The following ITGA6 variants were observed in gnomAD, a reference collection of about 807,000 sequenced individuals.
ITGA6 encodes integrin subunit alpha 6, also known as integrin alpha-6.
Under a neutral mutation model 133.6 loss-of-function variants are expected in ITGA6, and 63 were observed. The ratio of observed to expected loss-of-function variants is 0.47; its 90% confidence interval spans 0.38 to 0.58. The LOEUF (loss-of-function observed/expected upper bound fraction) is 0.58, where lower values mean the gene tolerates loss of function less well. Ranked by LOEUF, ITGA6 falls within the 20% of genes least tolerant of loss-of-function variation. The pLI is 0.00. For synonymous variants in ITGA6, 434 were observed against 482.0 expected, an observed-to-expected ratio of 0.90 and a Z score of 1.30; for missense variants, 1,068 against 1,309.4, an observed-to-expected ratio of 0.82 and a Z score of 2.85.
chr2:172,475,566 T>C (rs1253298079), intron 7 of ITGA6, 31 bp from the exon 8 acceptor site: 1 of 1,201,122 alleles, frequency 8.3e-7, no homozygotes, highest in African/African-American at 1.5e-5. Context: ...AAAGCGTTTG[T>C]TAAAATGTTA....
intron 13 of ITGA6, 98 bp from the exon 14 acceptor site, chr2:172,486,925 A>G: frequency 2.7e-6 from 2 of 735,418 alleles, no homozygotes; most frequent in Admixed American, 3.9e-5. Flanking sequence ...TAATTGTCAC[A>G]CAGGGAAATG....
At chr2:172,441,558 T>TAAAAAA (rs1559116474) in intron 1 of ITGA6, among the ~76,000 whole-genome samples, 1 of 64,854 alleles carries the variant, frequency 1.5e-5, no homozygotes, top group African/African-American at 6.2e-5. Flanking sequence ...CGCTGTCTCT[T>TAAAAAA]TAAAAAAAAA....
At chr2:172,461,445 A>G (rs1478363445) in intron 1 of ITGA6, among the ~76,000 whole-genome samples, 1 of 152,164 alleles carries the variant, frequency 6.6e-6, no homozygotes, top group Non-Finnish European at 1.5e-5. Flanking sequence ...CCTTGACCGC[A>G]TATGGGAATA....
chr2:172,487,265 CA>C lies in ITGA6; in HGVS notation c.1977del (p.Gly660ValfsTer5). The C allele has an allele frequency of 6.2e-7, 1 of 1,611,534 alleles. No homozygotes were observed. The highest frequency in any genetic ancestry group is 8.5e-7 in the Non-Finnish European group (1 of 1,177,842). On this transcript the variant is annotated frameshift_variant and splice_region_variant, in exon 15 of 26. Coordinates refer to ENST00000684293, the MANE Select transcript of ITGA6 (RefSeq NM_000210.4). LOFTEE classifies it high-confidence loss of function. ...TTCTTGTTTTCTTATTTTTAATAGT[CA>C]AAAAGGTGTACCAGAACTAGTTCTA... is the stretch of plus-strand genomic sequence containing the variant. ...NQDKFSYLPI[Q>X]KGVPELVLKD...
chr2:172,441,426 C>T (rs1217409498), intron 1 of ITGA6, among the ~76,000 whole-genome samples: 2 of 151,840 alleles, frequency 1.3e-5, no homozygotes, highest in Non-Finnish European at 2.9e-5. Context: ...CATGGTGGCT[C>T]ATGCCAGTGA....
chr2:172,458,311 G>A (rs1685297700), intron 1 of ITGA6, among the ~76,000 whole-genome samples: 1 of 151,248 alleles, frequency 6.6e-6, no homozygotes, highest in South Asian at 2.1e-4. Flanking sequence ...TACAATCTCG[G>A]CTCCTGAAAC....
intron 1 of ITGA6, among the ~76,000 whole-genome samples, chr2:172,432,692 G>A (rs566545106): frequency 6.6e-6 from 1 of 152,232 alleles, no homozygotes; most frequent in Non-Finnish European, 1.5e-5. Context: ...TTTCATGAGT[G>A]TTTGTAAATT....
At position 172,491,829 on chromosome 2, in the gene ITGA6, C is replaced by T. The variant is rs904754548; in HGVS notation, c.2988+306C>T. Among the ~76,000 whole-genome samples, 1 of 152,194 alleles carries T rather than the reference C, an allele frequency of 6.6e-6. No individual in the cohort carries two copies. Among genetic ancestry groups the T allele is most frequent in the Non-Finnish European group, 1.5e-5 (1 of 68,034 alleles). On this transcript the variant is annotated intron_variant, in intron 23 of 25. Transcript: ENST00000684293. This position sits in a 1 kb window ranked among gnomAD's most constrained non-coding sequence, Gnocchi z 4.4. ...GTGTCTTCTACCATCTCTAATGCTG[C>T]AGCCATTGGTGTAATGCCCCAGTGA...
chr2:172,498,326 A>G (rs953958093), intron 24 of ITGA6, among the ~76,000 whole-genome samples: 44 of 152,194 alleles, frequency 2.9e-4, no homozygotes, highest in African/African-American at 9.7e-4. Flanking sequence ...AAGTTTCTTC[A>G]TTTGTCTCTC....
chr2:172,441,137 C>A, intron 1 of ITGA6, among the ~76,000 whole-genome samples: 1 of 152,282 alleles, frequency 6.6e-6, no homozygotes, highest in South Asian at 2.1e-4. Context: ...CTAATTTCTC[C>A]GTTGCTCTCA....
At chr2:172,469,038 T>C in intron 3 of ITGA6, 87 bp from the exon 4 acceptor site, 1 of 1,392,572 alleles carries the variant, frequency 7.2e-7, no homozygotes, top group Non-Finnish European at 1.0e-6. Context: ...AGAATTAACC[T>C]CTGTATTGAC....
At chr2:172,488,643 C>G (rs533102506) in intron 19 of ITGA6, among the ~76,000 whole-genome samples, 1 of 152,308 alleles carries the variant, frequency 6.6e-6, no homozygotes, top group South Asian at 2.1e-4. Flanking sequence ...CACAGTGACT[C>G]TCTGTCCTGT....
At position 172,504,191 on chromosome 2, in the gene ITGA6, T is replaced by C. The variant is rs1446684323; in HGVS notation, c.*123T>C. On this transcript the variant is annotated 3_prime_UTR_variant, in exon 26 of 26. Transcript: ENST00000684293. ...CGAGAGATCAAAGATGAAAAGTATA[T>C]TGATAACCTTGAAAAAAAACAGTGG... 3 of 1,589,004 alleles carry C rather than the reference T, an allele frequency of 1.9e-6. No homozygotes were observed. Among genetic ancestry groups the C allele is most frequent in the South Asian group, 1.1e-5 (1 of 87,090 alleles).
intron 25 of ITGA6, chr2:172,503,731 TTAATC>T (rs1204738351): frequency 1.9e-5 from 3 of 157,232 alleles, no homozygotes; most frequent in African/African-American, 7.2e-5. Flanking sequence ...AAAATTATTC[TTAATC>T]TAATCTGATA....
Position 172,469,241 on chromosome 2 carries a change from T to TGG in ITGA6, c.508_509dup (p.Asp171GlufsTer10). ...ATCTCAGGATTGAAGACGATATGGA[T>TGG]GGGGGAGATTGGAGCTTTTGTGATG... On this transcript the variant is annotated frameshift_variant, in exon 4 of 26. Coordinates refer to ENST00000684293, the MANE Select transcript of ITGA6 (RefSeq NM_000210.4). LOFTEE classifies it high-confidence loss of function. 1 of 1,614,070 alleles carries TGG rather than the reference T, an allele frequency of 6.2e-7. No homozygotes were observed. The highest frequency in any genetic ancestry group is 8.5e-7 in the Non-Finnish European group (1 of 1,179,994).
intron 1 of ITGA6, among the ~76,000 whole-genome samples, chr2:172,449,931 A>AAG (rs1428957719): frequency 6.6e-6 from 1 of 151,450 alleles, no homozygotes; most frequent in Non-Finnish European, 1.5e-5. Flanking sequence ...CCAAAAAAAA[A>AAG]AAAAAAAAAA....
At chr2:172,438,936 G>A (rs1684431143) in intron 1 of ITGA6, among the ~76,000 whole-genome samples, 1 of 151,992 alleles carries the variant, frequency 6.6e-6, no homozygotes, top group African/African-American at 2.4e-5. Context: ...GAAGATGGCA[G>A]CATGTCAAAA....
chr2:172,469,460 T>C (rs1159469161), intron 4 of ITGA6, 80 bp downstream of exon 4: 1 of 1,359,160 alleles, frequency 7.4e-7, no homozygotes, highest in Non-Finnish European at 1.0e-6. Flanking sequence ...TGAGCTAAAA[T>C]GTGTTAGAAG....
At position 172,469,379 on chromosome 2, in the gene ITGA6, A is replaced by G; in HGVS notation, c.642A>G (p.Lys214=). 1 of 1,613,458 alleles carries G rather than the reference A, an allele frequency of 6.2e-7. No homozygotes were observed. Among genetic ancestry groups the G allele is most frequent in the South Asian group, 1.1e-5 (1 of 91,062 alleles). ...VFGAPGTYNW[K]GIVRVEQKNN... is the part of the protein sequence containing the mutation. ...GAGCCCCGGGTACTTATAACTGGAA[A>G]GGTATGACCTTTGTATTTATAGAAA... The change falls in exon 4 of 26, where the codon AAA becomes AAG. Residue 214 remains lysine (K), a splice_region_variant and synonymous_variant. Transcript: ENST00000684293.
Sources: allele counts gnomAD v4.1 joint callset (sites outside exome capture counted in the v4.1 genomes callset), GRCh38; gene constraint gnomAD v4.1.1; non-coding constraint Gnocchi (gnomAD v3.1); transcripts MANE v1.5; gene names NCBI Gene and HGNC (gene_info 2026-07-23, HGNC 2026-07-21).